Variants in NPAS3 observed in about 807,000 individuals in gnomAD.
The protein encoded by NPAS3 is neuronal PAS domain-containing protein 3.
NPAS3 carries 14 observed loss-of-function variants against 73.1 expected under a neutral mutation model. That is an observed-to-expected ratio of 0.19 (90% CI 0.13 to 0.30). The LOEUF is 0.30. Ranked by LOEUF, NPAS3 falls within the 10% of genes least tolerant of loss-of-function variation. NPAS3 has a pLI of 1.00. For missense variants in NPAS3, 1,096 were observed against 1,250.0 expected, an observed-to-expected ratio of 0.88 and a Z score of 1.86; for synonymous variants, 620 against 541.5, an observed-to-expected ratio of 1.14 and a Z score of -2.01.
intron 4 of NPAS3, among the ~76,000 whole-genome samples, chr14:33,473,932 A>G (rs991160675): frequency 2.6e-5 from 4 of 152,180 alleles, no homozygotes; most frequent in African/African-American, 9.7e-5. Context: ...TACATGGCCC[A>G]TTACAAAAAG....
At chr14:33,307,877 G>A (rs928736906) in intron 3 of NPAS3, among the ~76,000 whole-genome samples, 3 of 152,062 alleles carry the variant, frequency 2.0e-5, no homozygotes, top group African/African-American at 7.2e-5. Context: ...TTTCCTGCCT[G>A]GGTGAGTCAT....
chr14:33,136,173 G>C (rs1305289503), intron 2 of NPAS3, among the ~76,000 whole-genome samples: 2 of 147,754 alleles, frequency 1.4e-5, no homozygotes, highest in African/African-American at 2.5e-5. Flanking sequence ...CAATTCTCCT[G>C]CCTCAGCCTC....
At chr14:33,411,065 G>A (rs753218956) in intron 4 of NPAS3, among the ~76,000 whole-genome samples, 1 of 152,226 alleles carries the variant, frequency 6.6e-6, no homozygotes, top group Non-Finnish European at 1.5e-5. Flanking sequence ...ACAATGCCCT[G>A]TCAACTGTAG....
At chr14:33,524,562 T>C (rs747179109) in intron 4 of NPAS3, among the ~76,000 whole-genome samples, 6 of 152,224 alleles carry the variant, frequency 3.9e-5, no homozygotes, top group Non-Finnish European at 8.8e-5. Flanking sequence ...TATGGTTGTA[T>C]CTTTGCTAGA....
At chr14:33,371,280 T>C (rs1042142867) in intron 4 of NPAS3, among the ~76,000 whole-genome samples, 1 of 152,096 alleles carries the variant, frequency 6.6e-6, no homozygotes, top group Non-Finnish European at 1.5e-5. Flanking sequence ...GCGGAGTAAG[T>C]GTAGAATACA....
chr14:33,221,930 T>A (rs1258918677), intron 3 of NPAS3, among the ~76,000 whole-genome samples: 2 of 151,914 alleles, frequency 1.3e-5, no homozygotes, highest in Non-Finnish European at 2.9e-5. Flanking sequence ...CAAGAAAAAA[T>A]TTATTTAATC....
intron 2 of NPAS3, among the ~76,000 whole-genome samples, chr14:33,212,057 A>G (rs2047059986): frequency 2.0e-5 from 3 of 152,216 alleles, no homozygotes; most frequent in Admixed American, 2.0e-4. Context: ...ACAAATACAA[A>G]GTTTATTTTG....
intron 4 of NPAS3, among the ~76,000 whole-genome samples, chr14:33,494,148 G>A (rs1322526425): frequency 6.6e-6 from 1 of 152,100 alleles, no homozygotes; most frequent in African/African-American, 2.4e-5. Flanking sequence ...TGAGCTCTCT[G>A]TTTCTCCAGC....
chr14:33,440,130 AAG>A (rs1449661034), intron 4 of NPAS3, among the ~76,000 whole-genome samples: 9 of 151,874 alleles, frequency 5.9e-5, no homozygotes, highest in Middle Eastern at 6.8e-3. Context: ...AAAAAAAAAA[AAG>A]AAAAAAGACC....
At chr14:33,335,159 T>A (rs1389299982) in intron 3 of NPAS3, among the ~76,000 whole-genome samples, 2 of 152,156 alleles carry the variant, frequency 1.3e-5, no homozygotes, top group Non-Finnish European at 2.9e-5. Context: ...GCTGTAAACT[T>A]ATGCATGTTC....
chr14:32,974,605 A>G (rs1299449118), intron 1 of NPAS3, among the ~76,000 whole-genome samples: 1 of 152,192 alleles, frequency 6.6e-6, no homozygotes, highest in Non-Finnish European at 1.5e-5. Context: ...ACATTGGTTT[A>G]ACAACCAAAC....
chr14:33,512,253 A>AT (rs2053089288), intron 4 of NPAS3, among the ~76,000 whole-genome samples: 1 of 151,972 alleles, frequency 6.6e-6, no homozygotes, highest in Non-Finnish European at 1.5e-5. Context: ...ATACTTCTCC[A>AT]CATCAAATTT....
chr14:33,368,214 T>C (rs1012725648), intron 4 of NPAS3, among the ~76,000 whole-genome samples: 1 of 152,110 alleles, frequency 6.6e-6, no homozygotes, highest in African/African-American at 2.4e-5. Context: ...AGGGCCTTTA[T>C]GGTGCTTTCC....
chr14:33,627,070 A>G (rs2058242097), intron 5 of NPAS3, among the ~76,000 whole-genome samples: 1 of 152,076 alleles, frequency 6.6e-6, no homozygotes, highest in Non-Finnish European at 1.5e-5. Flanking sequence ...TTCAATGACC[A>G]TGTGAATTTT....
At chr14:33,188,301 C>T (rs893591666) in intron 2 of NPAS3, among the ~76,000 whole-genome samples, 2 of 152,198 alleles carry the variant, frequency 1.3e-5, no homozygotes, top group African/African-American at 2.4e-5. Context: ...CAGAAGGTCA[C>T]GGCCTCTGTC....
At chr14:33,129,748 G>A (rs930385137) in intron 2 of NPAS3, among the ~76,000 whole-genome samples, 8 of 152,142 alleles carry the variant, frequency 5.3e-5, no homozygotes, top group Non-Finnish European at 8.8e-5. Context: ...AGGATCCCAT[G>A]TTCAGAGGTA....
chr14:33,370,369 G>A (rs892743425), intron 4 of NPAS3, among the ~76,000 whole-genome samples: 2 of 152,140 alleles, frequency 1.3e-5, no homozygotes, highest in Non-Finnish European at 2.9e-5. Flanking sequence ...TCCAACCAAA[G>A]GGTACATCAG....
chr14:33,354,959 T>G (rs563683613), intron 3 of NPAS3, among the ~76,000 whole-genome samples: 19 of 152,274 alleles, frequency 1.2e-4, no homozygotes, highest in African/African-American at 4.3e-4. Context: ...TCAGGTGATA[T>G]AGCACACACA....
chr14:33,066,162 G>A (rs2041271034), intron 2 of NPAS3, among the ~76,000 whole-genome samples: 1 of 152,132 alleles, frequency 6.6e-6, no homozygotes, highest in Admixed American at 6.6e-5. Flanking sequence ...AGAAGCAGCA[G>A]CTCGGCTTCT....
Sources: allele counts gnomAD v4.1 joint callset (sites outside exome capture counted in the v4.1 genomes callset), GRCh38; gene constraint gnomAD v4.1.1; transcripts MANE v1.5; gene names NCBI Gene and HGNC (gene_info 2026-07-23, HGNC 2026-07-21).